TMEM126A: variants seen among roughly 807,000 people sequenced by gnomAD.
The protein encoded by TMEM126A is transmembrane protein 126A.
In TMEM126A, 10 loss-of-function variants were observed where a neutral mutation model predicts 18.3. That is an observed-to-expected ratio of 0.55 (90% CI 0.34 to 0.93). TMEM126A has a LOEUF of 0.93. Ranked by LOEUF, TMEM126A falls within the 40% of genes least tolerant of loss-of-function variation. TMEM126A has a pLI of 0.02. For missense variants in TMEM126A, 246 were observed against 230.2 expected (o/e 1.07, Z -0.44); for synonymous variants, 68 against 78.1 (o/e 0.87, Z 0.68).
intron 2 of TMEM126A, among the ~76,000 whole-genome samples, chr11:85,651,546 T>C (rs1230385730): frequency 1.3e-5 from 2 of 152,126 alleles, no homozygotes; most frequent in Admixed American, 6.5e-5. Flanking sequence ...GCATTTAAAA[T>C]ACATTCTGGA....
At chr11:85,653,042 C>T (rs1187288466) in intron 2 of TMEM126A, among the ~76,000 whole-genome samples, 1 of 152,122 alleles carries the variant, frequency 6.6e-6, no homozygotes, top group African/African-American at 2.4e-5. Context: ...CTCCAAGTTC[C>T]TGAACTGCCA....
chr11:85,651,249 G>A lies in TMEM126A; in HGVS notation c.86+908G>A, dbSNP rs550522993. Among the ~76,000 whole-genome samples the A allele has an allele frequency of 1.1e-4, 16 of 152,282 alleles. No individual in the cohort carries two copies. In the East Asian group the frequency reaches 2.9e-3, roughly 28 times the overall value. ...GCCACCTGGGAAGGAGAGAGGGACA[G>A]TGTCTTAAGTAGAGGGAATGGCATA... On this transcript the variant is annotated intron_variant, in intron 2 of 4. Coordinates refer to ENST00000304511, the MANE Select transcript of TMEM126A (RefSeq NM_032273.4).
chr11:85,654,268 T>C lies in TMEM126A; in HGVS notation c.280+12T>C, dbSNP rs904221195. ...TCCTTTGAATACAGGTAAATTCTACTTCACTATCACCAAAGAGTTTGCCTT... is the reference window on the plus strand; with the variant it reads ...TCCTTTGAATACAGGTAAATTCTACCTCACTATCACCAAAGAGTTTGCCTT... On this transcript the variant is annotated intron_variant, in intron 3 of 4. Transcript: ENST00000304511. The C allele has an allele frequency of 1.9e-6, 3 of 1,612,978 alleles. No individual in the cohort carries two copies. The African/African-American group carries it at 4.0e-5, about 22-fold the overall frequency.
intron 2 of TMEM126A, among the ~76,000 whole-genome samples, chr11:85,652,339 T>C (rs572158348): frequency 6.6e-6 from 1 of 152,392 alleles, no homozygotes; most frequent in East Asian, 1.9e-4. Flanking sequence ...CTTTGCCTTG[T>C]TCCTATTTTT....
intron 2 of TMEM126A, 93 bp from the exon 3 acceptor site, chr11:85,653,970 T>C (rs1459227095): frequency 4.3e-6 from 6 of 1,397,306 alleles, no homozygotes; most frequent in Non-Finnish European, 6.1e-6. Flanking sequence ...ATCCAGTTAG[T>C]GTATTCCCAA....
At chr11:85,652,292 T>A (rs2082506557) in intron 2 of TMEM126A, among the ~76,000 whole-genome samples, 1 of 152,252 alleles carries the variant, frequency 6.6e-6, no homozygotes, top group East Asian at 1.9e-4. Context: ...TTTCAATCAT[T>A]GGCATCTAAA....
chr11:85,650,135 A>T, intron 1 of TMEM126A, 114 bp from the exon 2 acceptor site: 1 of 629,894 alleles, frequency 1.6e-6, no homozygotes, highest in Non-Finnish European at 2.7e-6. Flanking sequence ...TTTTAATAAT[A>T]TGTATGCAAT....
At position 85,656,529 on chromosome 11, in the gene TMEM126A, A is replaced by G. The variant is rs752982067; in HGVS notation, c.*28A>G. On this transcript the variant is annotated 3_prime_UTR_variant, in exon 5 of 5. Transcript: ENST00000304511. The stretch of plus-strand genomic sequence containing the variant: ...TTAAACAAATATGTAAACAAAAATA[A>G]AATGGTAAAAACAGTTTATGTCTAA... The G allele has an allele frequency of 6.4e-7, 1 of 1,572,488 alleles. No individual in the cohort carries two copies. Among genetic ancestry groups the G allele is most frequent in the South Asian group, 1.1e-5 (1 of 89,398 alleles).
At chr11:85,655,500 A>G (rs563239436) in intron 3 of TMEM126A, 94 bp from the exon 4 acceptor site, 2 of 932,876 alleles carry the variant, frequency 2.1e-6, no homozygotes, top group African/African-American at 3.2e-5. Context: ...TACCTGAAAA[A>G]TACCTGTGAT....
intron 1 of TMEM126A, among the ~76,000 whole-genome samples, chr11:85,648,538 G>A (rs909818393): frequency 3.3e-5 from 5 of 152,186 alleles, no homozygotes; most frequent in African/African-American, 1.2e-4. Flanking sequence ...GCCCACAGGG[G>A]CTGCCCAGTC....
At chr11:85,656,205 TTCAG>T in intron 4 of TMEM126A, 100 bp from the exon 5 acceptor site, 1 of 1,018,574 alleles carries the variant, frequency 9.8e-7, no homozygotes. Flanking sequence ...TACTTTAATA[TTCAG>T]TTTTATCTTA....
At chr11:85,651,448 G>A (rs893613857) in intron 2 of TMEM126A, among the ~76,000 whole-genome samples, 2 of 152,190 alleles carry the variant, frequency 1.3e-5, no homozygotes, top group South Asian at 2.1e-4. Flanking sequence ...GGAAAGAAAG[G>A]AAACACAAAT....
In TMEM126A at chr11:85,656,318, A is replaced by G; in HGVS notation, c.405A>G (p.Ser135=). The change falls in exon 5 of 5, where the codon TCA becomes TCG. Residue 135 remains serine, a synonymous_variant. Transcript: ENST00000304511. ...CAATGTTTTCTTACAGGTATCAATC[A>G]GCTCTGTTACCACACAAAGGGAACA... ...VNGGLAARYQ[S]ALLPHKGNIL... 2 of 1,611,080 alleles carry G rather than the reference A, an allele frequency of 1.2e-6. No individual in the cohort carries two copies. The highest frequency in any genetic ancestry group is 2.1e-4 in the Middle Eastern group (1 of 4,820).
chr11:85,648,411 A>G (rs1214116833), intron 1 of TMEM126A, among the ~76,000 whole-genome samples: 2 of 152,218 alleles, frequency 1.3e-5, no homozygotes, highest in Non-Finnish European at 2.9e-5. Context: ...CCTATCTCTC[A>G]GAGCTCTTCC....
chr11:85,652,413 G>A (rs1424227420), intron 2 of TMEM126A, among the ~76,000 whole-genome samples: 2 of 151,952 alleles, frequency 1.3e-5, no homozygotes, highest in Non-Finnish European at 2.9e-5. Context: ...TATTAATCAG[G>A]TATTTAATGG....
chr11:85,653,793 G>A (rs959009926), intron 2 of TMEM126A, among the ~76,000 whole-genome samples: 7 of 152,092 alleles, frequency 4.6e-5, no homozygotes, highest in African/African-American at 1.7e-4. Flanking sequence ...CATGTAAATC[G>A]GTGATTATAT....
At chr11:85,653,698 A>G (rs1555208606) in intron 2 of TMEM126A, among the ~76,000 whole-genome samples, 2 of 152,120 alleles carry the variant, frequency 1.3e-5, no homozygotes, top group Non-Finnish European at 2.9e-5. Flanking sequence ...TTAACTCCAC[A>G]TTATTGAACA....
rs1025062278 is a variant in TMEM126A, at chr11:85,654,032, A to T, written c.87-31A>T. On this transcript the variant is annotated intron_variant, in intron 2 of 4. Transcript: ENST00000304511. Reference sequence around the variant, plus strand: ...GAAAGCTCACACACACAATAATGCCAAAGAAAAGTTCTTTCTTCTCACCCT... The same window carrying T: ...GAAAGCTCACACACACAATAATGCCTAAGAAAAGTTCTTTCTTCTCACCCT... The T allele has an allele frequency of 8.1e-6, 13 of 1,611,654 alleles. No homozygotes were observed. In the African/African-American group the frequency reaches 1.5e-4, roughly 18 times the overall value.
At chr11:85,655,775 A>G (rs1591465911) in intron 4 of TMEM126A, 67 bp downstream of exon 4, 1 of 1,233,308 alleles carries the variant, frequency 8.1e-7, no homozygotes, top group Non-Finnish European at 1.2e-6. Context: ...AGCAGCAAAT[A>G]TATTTTGTTT....
Sources: gnomAD v4.1 joint callset for allele counts (sites outside exome capture counted in the v4.1 genomes callset) on GRCh38, gnomAD v4.1.1 for gene constraint, MANE v1.5 for transcripts, NCBI Gene and HGNC (gene_info 2026-07-23, HGNC 2026-07-21) for gene names.